ABCB1: variants seen among roughly 807,000 people sequenced by gnomAD.
ABCB1 encodes the protein ATP-dependent translocase ABCB1.
A neutral mutation model predicts 142.0 loss-of-function variants in ABCB1; 69 were observed. The ratio of observed to expected loss-of-function variants is 0.49; its 90% CI spans 0.40 to 0.59. The LOEUF (loss-of-function observed/expected upper bound fraction) is 0.59. Among genes scored for constraint, ABCB1 ranks in the 20% least tolerant of loss-of-function variants. The pLI is 0.00. For missense variants in ABCB1, 1,326 were observed against 1,554.7 expected, an observed-to-expected ratio of 0.85 and a Z score of 2.47; for synonymous variants, 532 against 539.2, an observed-to-expected ratio of 0.99 and a Z score of 0.18.
intron 1 of ABCB1, among the ~76,000 whole-genome samples, chr7:87,686,942 T>C (rs1827523440): frequency 1.4e-5 from 2 of 139,510 alleles, no homozygotes; most frequent in Admixed American, 7.4e-5. Context: ...GGAGACTCTA[T>C]CTCCAAAAGA....
At chr7:87,537,135 A>T (rs1243383469) in intron 19 of ABCB1, 1 of 155,672 alleles carries the variant, frequency 6.4e-6, no homozygotes, top group Non-Finnish European at 1.4e-5. Flanking sequence ...CTTCCTCTGG[A>T]CAGATTTGTG....
intron 1 of ABCB1, among the ~76,000 whole-genome samples, chr7:87,613,088 G>A (rs968729977): frequency 1.7e-4 from 25 of 150,508 alleles, no homozygotes; most frequent in African/African-American, 5.1e-4. Context: ...TTGGTGCATA[G>A]CAGTGCTACT....
At chr7:87,552,217 C>T (rs1817104084) in intron 9 of ABCB1, among the ~76,000 whole-genome samples, 1 of 152,100 alleles carries the variant, frequency 6.6e-6, no homozygotes, top group African/African-American at 2.4e-5. Flanking sequence ...AAAGACTTAA[C>T]TGTGTTTCTC....
At chr7:87,677,180 A>G (rs547393787) in intron 1 of ABCB1, among the ~76,000 whole-genome samples, 2 of 152,136 alleles carry the variant, frequency 1.3e-5, no homozygotes, top group Admixed American at 6.6e-5. Context: ...TTGCACTTCT[A>G]TGTTTATTGC....
intron 16 of ABCB1, 87 bp downstream of exon 16, chr7:87,544,736 G>T: frequency 7.5e-7 from 1 of 1,332,890 alleles, no homozygotes; most frequent in Non-Finnish European, 1.1e-6. Context: ...AACCTCTCTT[G>T]TTCCCACTCC....
intron 1 of ABCB1, among the ~76,000 whole-genome samples, chr7:87,695,762 C>A (rs1381572583): frequency 3.9e-5 from 6 of 151,998 alleles, no homozygotes; most frequent in African/African-American, 1.2e-4. Flanking sequence ...TAGTAGAGAA[C>A]CACTTTAGAA....
chr7:87,632,158 T>C (rs569112251), intron 1 of ABCB1, among the ~76,000 whole-genome samples: 22 of 152,240 alleles, frequency 1.4e-4, no homozygotes, highest in Non-Finnish European at 2.6e-4. Context: ...GTGTATCCAC[T>C]TATACTTTCA....
At chr7:87,639,083 C>A (rs189999777) in intron 1 of ABCB1, among the ~76,000 whole-genome samples, 2 of 132,454 alleles carry the variant, frequency 1.5e-5, no homozygotes, top group Non-Finnish European at 3.1e-5. Context: ...ACCCCGGAGG[C>A]GGAGCTTGCA....
At chr7:87,620,044 A>G (rs1192787696) in intron 1 of ABCB1, among the ~76,000 whole-genome samples, 4 of 152,160 alleles carry the variant, frequency 2.6e-5, no homozygotes, top group Non-Finnish European at 4.4e-5. Flanking sequence ...ATTTTATGAG[A>G]AAAAGTCTCA....
At chr7:87,517,124 A>C (rs2117088799) in intron 23 of ABCB1, among the ~76,000 whole-genome samples, 1 of 152,250 alleles carries the variant, frequency 6.6e-6, no homozygotes, top group Admixed American at 6.5e-5. Context: ...TTTCCTTATA[A>C]GTTCATGTCT....
intron 1 of ABCB1, among the ~76,000 whole-genome samples, chr7:87,606,194 T>A (rs1819646319): frequency 6.6e-6 from 1 of 152,080 alleles, no homozygotes; most frequent in Non-Finnish European, 1.5e-5. Context: ...TAAAAAAGTA[T>A]GTAGTATACT....
chr7:87,526,954 C>T (rs1033537221), intron 21 of ABCB1, among the ~76,000 whole-genome samples: 2 of 152,076 alleles, frequency 1.3e-5, no homozygotes, highest in African/African-American at 4.8e-5. Flanking sequence ...CTTGGACTTG[C>T]TTCTCTTCCT....
intron 17 of ABCB1, 103 bp from the exon 18 acceptor site, chr7:87,541,567 C>A (rs1816538829): frequency 1.2e-6 from 1 of 821,634 alleles, no homozygotes; most frequent in Non-Finnish European, 2.1e-6. Flanking sequence ...TCAGGAGAGC[C>A]TTAGTACGCT....
rs887972438 is a variant in ABCB1, at chr7:87,607,536, CT to C, written c.-330-6459del. Among the ~76,000 whole-genome samples, 363 of 149,326 alleles carry C rather than the reference CT, an allele frequency of 2.4e-3. 1 individual carries two copies. Among genetic ancestry groups the C allele is most frequent in the African/African-American group, 6.8e-3 (279 of 40,744 alleles). ...TGGGGAATTATTTTTTTCTTTGATTCTTTTTTTTTTCTTTACTTAATTTGTG... is the reference window on the plus strand; with the variant it reads ...TGGGGAATTATTTTTTTCTTTGATTCTTTTTTTTTCTTTACTTAATTTGTG... On this transcript the variant is annotated intron_variant, in intron 1 of 28. Coordinates refer to the ABCB1 transcript ENST00000265724.
chr7:87,692,178 T>C (rs1388694574), intron 1 of ABCB1, among the ~76,000 whole-genome samples: 1 of 152,116 alleles, frequency 6.6e-6, no homozygotes, highest in Non-Finnish European at 1.5e-5. Context: ...AGGCCAGGCA[T>C]GGTGGCTCAC....
chr7:87,691,728 T>C (rs1040958571), intron 1 of ABCB1, among the ~76,000 whole-genome samples: 8 of 152,196 alleles, frequency 5.3e-5, no homozygotes, highest in African/African-American at 1.9e-4. Flanking sequence ...CTCATGTTTT[T>C]CCCCCTTCTT....
At chr7:87,567,369 T>C (rs1289361221) in intron 5 of ABCB1, among the ~76,000 whole-genome samples, 1 of 152,140 alleles carries the variant, frequency 6.6e-6, no homozygotes, top group Non-Finnish European at 1.5e-5. Context: ...AAAGATGGTG[T>C]GGTATATTGG....
chr7:87,517,643 T>C (rs936362589), intron 23 of ABCB1, among the ~76,000 whole-genome samples: 24 of 152,348 alleles, frequency 1.6e-4, no homozygotes, highest in Non-Finnish European at 2.8e-4. Context: ...CAACAACGGA[T>C]ACAGTCAGTG....
At chr7:87,635,412 G>C (rs1379604284) in intron 1 of ABCB1, among the ~76,000 whole-genome samples, 1 of 152,096 alleles carries the variant, frequency 6.6e-6, no homozygotes, top group East Asian at 1.9e-4. Context: ...TCTGTGTTTA[G>C]TGCCAACAAT....
Sources: allele counts gnomAD v4.1 joint callset (sites outside exome capture counted in the v4.1 genomes callset), GRCh38; gene constraint gnomAD v4.1.1; transcripts MANE v1.5; gene names NCBI Gene and HGNC (gene_info 2026-07-23, HGNC 2026-07-21).